Variants in ZNF569 observed in about 807,000 individuals in gnomAD.
The protein encoded by ZNF569 is DNA-binding protein.
In ZNF569, 38 loss-of-function variants were observed where a neutral mutation model predicts 56.3. The observed-to-expected ratio is 0.68, with a 90% CI of 0.52 to 0.88. ZNF569 has a LOEUF of 0.88. ZNF569 is among the 40% of genes least tolerant of loss of function. The pLI is 0.00. For synonymous variants in ZNF569, 241 were observed against 262.9 expected (o/e 0.92, Z 0.81); for missense variants, 666 against 809.2 (o/e 0.82, Z 2.15).
At chr19:37,433,038 G>C (rs570552301) in intron 3 of ZNF569, among the ~76,000 whole-genome samples, 1 of 151,694 alleles carries the variant, frequency 6.6e-6, no homozygotes, top group Non-Finnish European at 1.5e-5. Flanking sequence ...CAAAGAGCAG[G>C]GACCACAGGT....
intron 1 of ZNF569, 125 bp from the exon 2 acceptor site, chr19:37,465,598 A>G (rs1030711032): frequency 2.0e-5 from 3 of 152,252 alleles, no homozygotes; most frequent in African/African-American, 7.2e-5. Flanking sequence ...ATTTATATCC[A>G]TGAGGTTAAC....
chr19:37,415,514 A>C (rs1055513511), intron 5 of ZNF569, among the ~76,000 whole-genome samples: 5 of 152,158 alleles, frequency 3.3e-5, no homozygotes, highest in African/African-American at 4.8e-5. Context: ...AGAAAAGATG[A>C]GTTGTCACCA....
Position 37,433,436 on chromosome 19 carries a change from G to A in ZNF569, c.16-7058C>T, listed in dbSNP as rs574149975. On this transcript the variant is annotated intron_variant, in intron 3 of 5. Transcript: ENST00000316950. The stretch of plus-strand genomic sequence containing the variant: ...AGAGACAGGGGTAGAAAGTTTATTC[G>A]ATGGGATAACAATAGAGAACTTCCC... Among the ~76,000 whole-genome samples, 7 of 152,204 alleles carry A rather than the reference G, an allele frequency of 4.6e-5. No individual in the cohort carries two copies. The East Asian group carries it at 1.2e-3, about 25-fold the overall frequency.
At chr19:37,428,264 T>C (rs1482671750) in intron 3 of ZNF569, among the ~76,000 whole-genome samples, 1 of 152,190 alleles carries the variant, frequency 6.6e-6, no homozygotes, top group Non-Finnish European at 1.5e-5. Flanking sequence ...TCTACCACTT[T>C]GGGAAGCCGA....
At chr19:37,415,836 C>T (rs191893761) in intron 5 of ZNF569, among the ~76,000 whole-genome samples, 15 of 150,800 alleles carry the variant, frequency 9.9e-5, no homozygotes, top group Admixed American at 7.9e-4. Flanking sequence ...GCCAAGATCA[C>T]GCCACTGCAC....
intron 3 of ZNF569, among the ~76,000 whole-genome samples, chr19:37,442,394 G>A (rs896936760): frequency 2.0e-5 from 3 of 152,154 alleles, no homozygotes; most frequent in Admixed American, 1.3e-4. Flanking sequence ...TGCTCAAAGC[G>A]GGGAAAGGTT....
intron 5 of ZNF569, among the ~76,000 whole-genome samples, chr19:37,423,978 CAT>C (rs147955601): frequency 4.6e-5 from 7 of 151,972 alleles, no homozygotes; most frequent in Non-Finnish European, 7.4e-5. Flanking sequence ...TGTATATGGA[CAT>C]ATATATGTAT....
In ZNF569 at chr19:37,413,378, G is replaced by A; in HGVS notation, c.1280C>T (p.Thr427Ile). ...CTCTCTAGTATGAATTTTCTGGTGT[G>A]TAATGAAGTTTTTCTTGTGGCTGAA... Reference protein sequence around the residue: ...KAFSHKKNFITHQKIHTREKP... With the variant: ...KAFSHKKNFIIHQKIHTREKP... The change falls in exon 6 of 6, where the codon ACA becomes ATA. Residue 427 changes from threonine (T) to isoleucine (I), a missense_variant. Thr to Ile is a moderately conservative substitution (Grantham distance 89). Transcript: ENST00000316950. The A allele has an allele frequency of 6.2e-7, 1 of 1,610,792 alleles. No individual in the cohort carries two copies. Among genetic ancestry groups the A allele is most frequent in the South Asian group, 1.1e-5 (1 of 90,412 alleles).
intron 1 of ZNF569, among the ~76,000 whole-genome samples, chr19:37,465,770 T>C (rs917539232): frequency 2.2e-4 from 33 of 152,186 alleles, no homozygotes; most frequent in Admixed American, 1.6e-3. Context: ...ACCTATCAAT[T>C]CTACTTTTAG....
chr19:37,468,082 TTTG>T (rs368260871), upstream of ZNF569: 20 of 659,020 alleles, frequency 3.0e-5, no homozygotes, highest in African/African-American at 4.4e-5. Flanking sequence ...TTTTTTTTTT[TTTG>T]TTTGTTTTGT....
chr19:37,440,654 G>T (rs906666462), intron 3 of ZNF569, among the ~76,000 whole-genome samples: 11 of 151,960 alleles, frequency 7.2e-5, no homozygotes, highest in African/African-American at 2.7e-4. Context: ...TAAGAAACAC[G>T]GAAGGAAGTT....
intron 3 of ZNF569, among the ~76,000 whole-genome samples, chr19:37,426,790 G>A (rs10409204): frequency 0.21 from 31,208 of 152,066 alleles, 3,407 homozygotes; most frequent in South Asian, 0.32. Flanking sequence ...TGGATGTATT[G>A]TTCATGAGAT....
intron 3 of ZNF569, among the ~76,000 whole-genome samples, chr19:37,429,677 C>A (rs2041193931): frequency 6.6e-6 from 1 of 152,190 alleles, no homozygotes; most frequent in South Asian, 2.1e-4. Context: ...CTGCTTCCAG[C>A]CACAGGCTCA....
Position 37,412,933 on chromosome 19 carries a change from C to G in ZNF569, c.1725G>C (p.Glu575Asp), listed in dbSNP as rs138588858. 34 of 1,613,458 alleles carry G rather than the reference C, an allele frequency of 2.1e-5. 1 individual carries two copies. Among genetic ancestry groups the G allele is most frequent in the Non-Finnish European group, 2.6e-5 (31 of 1,179,800 alleles). ...LNLHMRSHTG[E>D]KPYVCNECGK... ...CACATTCATTACATACATAGGGCTT[C>G]TCACCTGTGTGACTTCTCATATGTA... Residue 575 changes from glutamate (E) to aspartate (D), a missense_variant, in exon 6 of 6, where the codon GAG becomes GAC. Transcript: ENST00000316950.
Position 37,413,260 on chromosome 19 carries a change from A to G in ZNF569, c.1398T>C (p.Tyr466=), listed in dbSNP as rs755209171. 3.1e-6 allele frequency: 5 copies of G among 1,611,476 alleles called. No homozygotes were observed. In the Admixed American group the frequency reaches 6.7e-5, roughly 22 times the overall value. The change falls in exon 6 of 6, where the codon TAT becomes TAC. Residue 466 remains tyrosine (Y), a synonymous_variant. Transcript: ENST00000316950. ...AGGCTTTCCCACATTCCTTACATAT[A>G]TAGGGTTTTTCCCCAGTATGAATTC... ...HQRIHTGEKP[Y]ICKECGKAFS...
In ZNF569 at chr19:37,412,971, A is replaced by G. The variant is rs760293914; in HGVS notation, c.1687T>C (p.Ser563Pro). Residue 563 changes from serine (S) to proline (P), a missense_variant, in exon 6 of 6, where the codon TCA (serine) becomes CCA (proline). Transcript: ENST00000316950. ...DKCGKAFSQC[S>P]LLNLHMRSHT... Reference sequence around the variant, plus strand: ...CTTCTCATATGTAAATTAAGCAGTGAGCACTGAGAGAAGGCTTTACCACAT... The same window carrying G: ...CTTCTCATATGTAAATTAAGCAGTGGGCACTGAGAGAAGGCTTTACCACAT... 1 of 1,613,602 alleles carries G rather than the reference A, an allele frequency of 6.2e-7. No individual in the cohort carries two copies.
upstream of ZNF569, chr19:37,468,060 A>G: frequency 2.6e-6 from 2 of 760,052 alleles, no homozygotes; most frequent in Non-Finnish European, 4.2e-6. Context: ...TAACTTCTCT[A>G]TGCCTTTCGT....
At position 37,416,411 on chromosome 19, in the gene ZNF569, TCA is replaced by T. The variant is rs1319410877; in HGVS notation, c.239-1994_239-1993del. ...AATTGATATTTATTTTTAAAAACCT[TCA>T]TATACAAACAACTACAGTCATCCCT... On this transcript the variant is annotated intron_variant, in intron 5 of 5. Coordinates refer to ENST00000316950, the MANE Select transcript of ZNF569 (RefSeq NM_152484.3). Among the ~76,000 whole-genome samples the T allele has an allele frequency of 1.2e-3, 181 of 152,274 alleles. 2 individuals carry two copies. The highest frequency in any genetic ancestry group is 4.2e-3 in the African/African-American group (176 of 41,558).
Position 37,426,349 on chromosome 19 carries a change from G to C in ZNF569, c.45C>G (p.Ile15Met). ...TCTTCCACTCCTCCTGAGTGAAGTC[G>C]ATAGCCACATCTTTGAATGTTACTG... ...QGTVTFKDVAIDFTQEEWKRL... is the reference protein window; with the variant it reads ...QGTVTFKDVAMDFTQEEWKRL... The change falls in exon 4 of 6, where the codon ATC becomes ATG. Residue 15 changes from isoleucine to methionine, a missense_variant. Coordinates refer to ENST00000316950, the MANE Select transcript of ZNF569 (RefSeq NM_152484.3). The C allele has an allele frequency of 1.2e-6, 2 of 1,612,290 alleles. No homozygotes were observed. Among genetic ancestry groups the C allele is most frequent in the Non-Finnish European group, 1.7e-6 (2 of 1,179,370 alleles).
Sources: gnomAD v4.1 joint callset for allele counts (sites outside exome capture counted in the v4.1 genomes callset) on GRCh38, gnomAD v4.1.1 for gene constraint, MANE v1.5 for transcripts, NCBI Gene and HGNC (gene_info 2026-07-23, HGNC 2026-07-21) for gene names.